CSDE1: variants seen among roughly 807,000 people sequenced by gnomAD.
CSDE1 encodes the protein cold shock domain containing E1.
In CSDE1, 17 loss-of-function variants were observed where a neutral mutation model predicts 89.3. The ratio of observed to expected loss-of-function variants is 0.19; its 90% CI spans 0.13 to 0.29. CSDE1 has a LOEUF of 0.29. CSDE1 is among the 10% of genes least tolerant of loss of function. CSDE1 has a pLI of 1.00. For missense variants in CSDE1, 672 were observed against 984.2 expected (o/e 0.68, Z 4.24); for synonymous variants, 322 against 332.8 (o/e 0.97, Z 0.35).
chr1:114,737,485 A>G lies in CSDE1; in HGVS notation c.388T>C (p.Tyr130His). 6.2e-7 allele frequency: 1 copy of G among 1,613,766 alleles called. No homozygotes were observed. The highest frequency in any genetic ancestry group is 2.2e-5 in the East Asian group (1 of 44,876). The part of the protein sequence containing the change: ...PGQSPTGSVC[Y>H]ERNGEVFYLT... ...CACAAGTTTACCCCATTACGTTCGTAGCATACACTCCCTGTTGGACTCTGA... is the reference window on the plus strand; with the variant it reads ...CACAAGTTTACCCCATTACGTTCGTGGCATACACTCCCTGTTGGACTCTGA... The change falls in exon 5 of 20, where the codon TAC becomes CAC. Residue 130 changes from tyrosine (Y) to histidine (H), a missense_variant. Coordinates refer to ENST00000358528, the MANE Select transcript of CSDE1 (RefSeq NM_001007553.3).
intron 14 of CSDE1, among the ~76,000 whole-genome samples, chr1:114,725,634 T>C (rs1263884223): frequency 1.3e-5 from 1 of 74,356 alleles, no homozygotes; most frequent in African/African-American, 7.6e-5. Context: ...TAAGAACCCT[T>C]ACTTTCTATT....
chr1:114,720,443 A>T, intron 17 of CSDE1, 96 bp downstream of exon 17: 1 of 1,177,076 alleles, frequency 8.5e-7, no homozygotes, highest in Admixed American at 2.6e-5. Context: ...AAAACGAATG[A>T]ATGTTGATGA....
At chr1:114,728,992 G>A (rs1026158547) in intron 12 of CSDE1, among the ~76,000 whole-genome samples, 2 of 152,004 alleles carry the variant, frequency 1.3e-5, no homozygotes, top group Non-Finnish European at 2.9e-5. Context: ...TTCATCTTTT[G>A]TCTTTCTCCA....
intron 17 of CSDE1, 134 bp from the exon 18 acceptor site, chr1:114,719,876 G>T: frequency 1.3e-6 from 1 of 784,084 alleles, no homozygotes; most frequent in Non-Finnish European, 2.0e-6. Context: ...GCTGCCTGTG[G>T]CAAAACCTGT....
chr1:114,741,434 C>T (rs1443739043), intron 2 of CSDE1: 6 of 1,205,522 alleles, frequency 5.0e-6, no homozygotes, highest in African/African-American at 1.5e-5. Flanking sequence ...GAAGGTGAGT[C>T]GGCAAGATAT....
At chr1:114,749,049 T>C (rs1434681014) in intron 2 of CSDE1, among the ~76,000 whole-genome samples, 2 of 152,202 alleles carry the variant, frequency 1.3e-5, no homozygotes, top group Non-Finnish European at 2.9e-5. Context: ...ATATATACCA[T>C]GTGCTTTCAC....
intron 15 of CSDE1, among the ~76,000 whole-genome samples, 157 bp downstream of exon 15, chr1:114,725,064 G>A (rs928740686): frequency 7.2e-5 from 11 of 152,174 alleles, no homozygotes; most frequent in Admixed American, 3.3e-4. Flanking sequence ...GTCAGAGAAC[G>A]TATATTTCTA....
Position 114,716,956 on chromosome 1 carries a change from C to A in CSDE1, c.*1213G>T, listed in dbSNP as rs1272380613. ...CAGTAAAACTTTATTCGCTTCCATT[C>A]TTTCGCCATTAACAGAAAACTGGAG... On this transcript the variant is annotated 3_prime_UTR_variant, in exon 20 of 20. Transcript: ENST00000358528. The A allele has an allele frequency of 5.2e-5, 8 of 152,696 alleles. No individual in the cohort carries two copies. The highest frequency in any genetic ancestry group is 4.6e-4 in the Admixed American group (7 of 15,292). The allele number at this position is 152,696 out of a possible 1,614,324, so 9.5% of individuals were successfully genotyped here.
chr1:114,733,632 A>G, intron 9 of CSDE1, 100 bp downstream of exon 9: 1 of 1,058,396 alleles, frequency 9.4e-7, no homozygotes. Flanking sequence ...TTCCACTACC[A>G]CATTATATTA....
chr1:114,720,796 T>G, intron 16 of CSDE1, 79 bp from the exon 17 acceptor site: 1 of 1,220,190 alleles, frequency 8.2e-7, no homozygotes, highest in Non-Finnish European at 1.2e-6. Flanking sequence ...TTTATATAAC[T>G]GCTAAAAATG....
At chr1:114,719,279 A>C (rs1659377050) in intron 18 of CSDE1, among the ~76,000 whole-genome samples, 1 of 152,208 alleles carries the variant, frequency 6.6e-6, no homozygotes, top group African/African-American at 2.4e-5. Flanking sequence ...TGGGTAACCG[A>C]ATCAGACTGT....
At chr1:114,731,459 C>T (rs1660094117) in intron 10 of CSDE1, among the ~76,000 whole-genome samples, 1 of 149,268 alleles carries the variant, frequency 6.7e-6, no homozygotes. Context: ...GTGTCAAATA[C>T]AACCAGTTCT....
At chr1:114,734,978 T>C (rs1660318254) in intron 6 of CSDE1, among the ~76,000 whole-genome samples, 3 of 152,198 alleles carry the variant, frequency 2.0e-5, no homozygotes, top group African/African-American at 7.2e-5. Context: ...CAGAGATAAA[T>C]AGGAGATGGT....
intron 13 of CSDE1, 21 bp from the exon 14 acceptor site, chr1:114,726,407 C>G (rs1454632265): frequency 4.4e-6 from 7 of 1,592,910 alleles, no homozygotes; most frequent in South Asian, 1.1e-5. Flanking sequence ...TAAGGATGCT[C>G]ATTAACACCA....
chr1:114,741,601 A>T (rs1660730145), intron 2 of CSDE1: 2 of 1,550,294 alleles, frequency 1.3e-6, no homozygotes, highest in Non-Finnish European at 1.7e-6. Context: ...AAGGGTAAAG[A>T]AAGTGAAGGA....
At chr1:114,730,783 T>C (rs1660055329) in intron 10 of CSDE1, 135 bp from the exon 11 acceptor site, 4 of 1,036,732 alleles carry the variant, frequency 3.9e-6, no homozygotes, top group Non-Finnish European at 5.6e-6. Flanking sequence ...ACATTTGAAC[T>C]GTTCTCACTT....
chr1:114,727,747 C>G (rs1221138955), intron 12 of CSDE1: 1 of 152,058 alleles, frequency 6.6e-6, no homozygotes, highest in Non-Finnish European at 1.5e-5. Context: ...TGGGTTATCT[C>G]GATTGTTCAG....
rs1659259057 is a variant in CSDE1, at chr1:114,717,637, A to C, written c.*532T>G. 33 of 152,692 alleles carry C rather than the reference A, an allele frequency of 2.2e-4. No individual in the cohort carries two copies. Among genetic ancestry groups the C allele is most frequent in the Admixed American group, 2.2e-3 (33 of 15,282 alleles). The allele number at this position is 152,692 out of a possible 1,614,324, so 9.5% of individuals were successfully genotyped here. ...TAAAATTTGGCCATCAACTTTAAGA[A>C]ATGGTTTGCCTATACAAATTTTTGT... On this transcript the variant is annotated 3_prime_UTR_variant, in exon 20 of 20. Coordinates refer to ENST00000358528, the MANE Select transcript of CSDE1 (RefSeq NM_001007553.3).
At position 114,755,306 on chromosome 1, in the gene CSDE1, CAA is replaced by C. The variant is rs756409678; in HGVS notation, c.-388+2617_-388+2618del. Among the ~76,000 whole-genome samples, 8 of 152,238 alleles carry C rather than the reference CAA, an allele frequency of 5.3e-5. No homozygotes were observed. The East Asian group carries it at 1.2e-3, about 22-fold the overall frequency. On this transcript the variant is annotated intron_variant, in intron 1 of 19. Transcript: ENST00000358528. ...AGGAAGTAAATGTAAGGGTCTTGAG[CAA>C]AGATTTTCACTAATAAAAGTAGGCA... is the stretch of plus-strand genomic sequence containing the variant.
Sources: allele counts gnomAD v4.1 joint callset (sites outside exome capture counted in the v4.1 genomes callset), GRCh38; gene constraint gnomAD v4.1.1; transcripts MANE v1.5; gene names NCBI Gene and HGNC (gene_info 2026-07-23, HGNC 2026-07-21).